Variants in CNGB3 observed in about 807,000 individuals in gnomAD.
CNGB3 encodes the protein cyclic nucleotide gated channel subunit beta 3.
Under a neutral mutation model 92.8 loss-of-function variants are expected in CNGB3, and 86 were observed. That is an observed-to-expected ratio of 0.93 (90% CI 0.78 to 1.11). CNGB3 has a LOEUF of 1.11. Among genes scored for constraint, CNGB3 ranks in the 50% least tolerant of loss-of-function variants. CNGB3 has a pLI of 0.00. For synonymous variants in CNGB3, 333 were observed against 332.7 expected (o/e 1.00, Z -0.01); for missense variants, 1,026 against 956.8 (o/e 1.07, Z -0.95).
At chr8:86,635,835 T>C (rs1823054911) in intron 10 of CNGB3, among the ~76,000 whole-genome samples, 1 of 59,398 alleles carries the variant, frequency 1.7e-5, no homozygotes, top group Admixed American at 2.0e-4. Flanking sequence ...TATATATATA[T>C]ATATATATAT....
At chr8:86,615,473 C>T (rs1187053938) in intron 13 of CNGB3, among the ~76,000 whole-genome samples, 8 of 151,782 alleles carry the variant, frequency 5.3e-5, no homozygotes, top group Admixed American at 4.6e-4. Flanking sequence ...CATGGTGACA[C>T]GTGACTGTAA....
chr8:86,657,268 T>G (rs1300037737), intron 6 of CNGB3: 2 of 263,590 alleles, frequency 7.6e-6, no homozygotes, highest in Non-Finnish European at 1.5e-5. Flanking sequence ...CACACAGGGG[T>G]CTTACCTTGC....
At chr8:86,644,512 A>C (rs1823255752) in intron 9 of CNGB3, 110 bp downstream of exon 9, 1 of 1,426,014 alleles carries the variant, frequency 7.0e-7, no homozygotes, top group Admixed American at 2.0e-5. Context: ...GCCAAAGCTG[A>C]AATTATATCC....
At chr8:86,735,404 G>A (rs1370265861) in intron 2 of CNGB3, among the ~76,000 whole-genome samples, 1 of 152,004 alleles carries the variant, frequency 6.6e-6, no homozygotes, top group African/African-American at 2.4e-5. Context: ...TCTTAAAGCT[G>A]TATGTATTAT....
At chr8:86,614,712 C>CAATAT (rs995315707) in intron 13 of CNGB3, among the ~76,000 whole-genome samples, 3 of 152,084 alleles carry the variant, frequency 2.0e-5, no homozygotes, top group African/African-American at 7.2e-5. Context: ...CGGCATCGGC[C>CAATAT]AATATAAACA....
At chr8:86,578,145 G>A (rs570864478) in intron 17 of CNGB3, among the ~76,000 whole-genome samples, 27 of 152,198 alleles carry the variant, frequency 1.8e-4, no homozygotes, top group Middle Eastern at 3.4e-3. Flanking sequence ...TCCTGCCCTC[G>A]TGATCCGCCC....
chr8:86,683,057 A>G (rs977052794), intron 3 of CNGB3, among the ~76,000 whole-genome samples: 11 of 152,176 alleles, frequency 7.2e-5, no homozygotes, highest in African/African-American at 2.7e-4. Context: ...GTAAATGGTT[A>G]TCAGGATTAT....
intron 11 of CNGB3, among the ~76,000 whole-genome samples, chr8:86,631,887 G>T (rs973474810): frequency 1.3e-5 from 2 of 152,138 alleles, no homozygotes; most frequent in Non-Finnish European, 2.9e-5. Flanking sequence ...CTGAGGCCTT[G>T]CTTGTTTCTC....
intron 17 of CNGB3, among the ~76,000 whole-genome samples, chr8:86,577,826 C>T (rs1388256249): frequency 6.6e-6 from 1 of 152,166 alleles, no homozygotes; most frequent in Non-Finnish European, 1.5e-5. Context: ...CTATTTTAAG[C>T]AGCAAAATCA....
At chr8:86,690,344 G>T (rs1234583786) in intron 3 of CNGB3, among the ~76,000 whole-genome samples, 2 of 152,128 alleles carry the variant, frequency 1.3e-5, no homozygotes, top group Non-Finnish European at 2.9e-5. Flanking sequence ...TGTGTTTTTG[G>T]CTGCATAAAT....
At chr8:86,711,591 G>C (rs1272685511) in intron 3 of CNGB3, among the ~76,000 whole-genome samples, 1 of 151,968 alleles carries the variant, frequency 6.6e-6, no homozygotes, top group East Asian at 1.9e-4. Context: ...TTTTTGATAG[G>C]ACCACAAACT....
intron 6 of CNGB3, chr8:86,661,678 C>A: frequency 9.8e-7 from 1 of 1,021,784 alleles, no homozygotes; most frequent in Non-Finnish European, 1.5e-6. Context: ...TCTCTTCTTC[C>A]TCTTCTTCTG....
chr8:86,635,821 GATATATATATATAT>G lies in CNGB3; in HGVS notation c.1179-2942_1179-2929del, dbSNP rs57486853. Among the ~76,000 whole-genome samples the G allele has an allele frequency of 6.4e-3, 387 of 60,594 alleles. 7 individuals are homozygous for G. Among genetic ancestry groups the G allele is most frequent in the African/African-American group, 0.023 (354 of 15,514 alleles). 39.8% of individuals were successfully genotyped at this position (60,594 alleles called of 152,430 possible). A position where few individuals can be genotyped will look rare whatever the true frequency, so the allele number is the denominator to read the frequency against. On this transcript the variant is annotated intron_variant, in intron 10 of 17. Transcript: ENST00000320005. ...ACAATGCATCAACTGTATAACACAT[GATATATATATATAT>G]ATATATATATATATATATATATATA...
intron 2 of CNGB3, among the ~76,000 whole-genome samples, chr8:86,728,233 T>C (rs1349783078): frequency 6.6e-6 from 1 of 152,178 alleles, no homozygotes; most frequent in Non-Finnish European, 1.5e-5. Flanking sequence ...ATCACATCCT[T>C]GAAGCCTGCG....
intron 2 of CNGB3, among the ~76,000 whole-genome samples, chr8:86,731,961 G>T (rs138532627): frequency 6.5e-4 from 99 of 152,256 alleles, no homozygotes; most frequent in African/African-American, 2.4e-3. Context: ...AAATCGTAAT[G>T]CAATTTTCCA....
intron 3 of CNGB3, among the ~76,000 whole-genome samples, chr8:86,681,491 C>G (rs967456135): frequency 1.3e-5 from 2 of 152,026 alleles, no homozygotes; most frequent in African/African-American, 4.8e-5. Flanking sequence ...CTAGAAGTTA[C>G]AACACCTGTA....
At position 86,579,145 on chromosome 8, in the gene CNGB3, T is replaced by C; in HGVS notation, c.1889A>G (p.His630Arg). Residue 630 changes from histidine (H) to arginine (R), a missense_variant, in exon 16 of 18, where the codon CAT becomes CGT. Coordinates refer to ENST00000320005, the MANE Select transcript of CNGB3 (RefSeq NM_019098.5). ...GAGGATCCTTTCAGAATCTGGATAA[T>C]GCACTAGAATTTCTTGGAGGGTCTT... The part of the protein sequence containing the change: ...DKKTLQEILV[H>R]YPDSERILMK... The C allele has an allele frequency of 6.2e-7, 1 of 1,614,150 alleles. No homozygotes were observed. The highest frequency in any genetic ancestry group is 2.2e-5 in the East Asian group (1 of 44,870).
intron 3 of CNGB3, among the ~76,000 whole-genome samples, chr8:86,685,884 A>AT (rs1389290259): frequency 6.6e-6 from 1 of 152,142 alleles, no homozygotes; most frequent in Non-Finnish European, 1.5e-5. Flanking sequence ...ATAAGAATAT[A>AT]GTTATTAGGG....
chr8:86,725,170 A>G (rs1825039114), intron 3 of CNGB3, among the ~76,000 whole-genome samples: 1 of 152,204 alleles, frequency 6.6e-6, no homozygotes, highest in Non-Finnish European at 1.5e-5. Flanking sequence ...AAAAATAAAC[A>G]TATTAAAATT....
Sources: allele counts gnomAD v4.1 joint callset (sites outside exome capture counted in the v4.1 genomes callset), GRCh38; gene constraint gnomAD v4.1.1; transcripts MANE v1.5; gene names NCBI Gene and HGNC (gene_info 2026-07-23, HGNC 2026-07-21).